Variants in KCTD16 observed in about 807,000 individuals in gnomAD.
KCTD16 encodes the protein potassium channel tetramerization domain containing 16.
In KCTD16, 13 loss-of-function variants were observed where a neutral mutation model predicts 33.2. The ratio of observed to expected loss-of-function variants is 0.39; its 90% CI spans 0.25 to 0.62. KCTD16 has a LOEUF of 0.62. Ranked by LOEUF, KCTD16 falls within the 20% of genes least tolerant of loss-of-function variation. KCTD16 has a pLI of 0.50. For missense variants in KCTD16, 441 were observed against 525.1 expected, an observed-to-expected ratio of 0.84 and a Z score of 1.57; for synonymous variants, 197 against 195.3, an observed-to-expected ratio of 1.01 and a Z score of -0.07.
intron 3 of KCTD16, among the ~76,000 whole-genome samples, chr5:144,229,092 A>AT (rs1470398592): frequency 6.6e-6 from 1 of 152,112 alleles, no homozygotes; most frequent in Non-Finnish European, 1.5e-5. Flanking sequence ...ATGGTTGTTT[A>AT]TTTTTCTCCA....
At chr5:144,222,652 G>T (rs1277306119) in intron 3 of KCTD16, among the ~76,000 whole-genome samples, 1 of 152,224 alleles carries the variant, frequency 6.6e-6, no homozygotes, top group African/African-American at 2.4e-5. Flanking sequence ...ACAGGTGCTG[G>T]AGAGGATGTG....
At chr5:144,417,403 C>T (rs1449082543) in intron 3 of KCTD16, among the ~76,000 whole-genome samples, 1 of 151,804 alleles carries the variant, frequency 6.6e-6, no homozygotes, top group African/African-American at 2.4e-5. Flanking sequence ...TGTTTGTTGC[C>T]CATTTGCATA....
At chr5:144,340,778 G>A (rs554894903) in intron 3 of KCTD16, among the ~76,000 whole-genome samples, 2 of 152,204 alleles carry the variant, frequency 1.3e-5, no homozygotes, top group South Asian at 2.1e-4. Flanking sequence ...CACCAGGTGC[G>A]GTGGCTCATG....
intron 3 of KCTD16, among the ~76,000 whole-genome samples, chr5:144,438,082 C>T (rs1252306919): frequency 6.6e-6 from 1 of 151,968 alleles, no homozygotes; most frequent in East Asian, 1.9e-4. Flanking sequence ...ATATTAAATA[C>T]AATATATTAG....
intron 3 of KCTD16, among the ~76,000 whole-genome samples, chr5:144,399,393 G>A (rs937701324): frequency 6.6e-6 from 1 of 151,844 alleles, no homozygotes; most frequent in Non-Finnish European, 1.5e-5. Flanking sequence ...TAAAAAAATA[G>A]ACAGTGATTA....
intron 3 of KCTD16, among the ~76,000 whole-genome samples, chr5:144,417,875 G>A (rs1443490045): frequency 6.6e-6 from 1 of 152,096 alleles, no homozygotes; most frequent in African/African-American, 2.4e-5. Context: ...TCCTTCCTGT[G>A]GATTCCTGGT....
chr5:144,267,039 G>A (rs1355942846), intron 3 of KCTD16, among the ~76,000 whole-genome samples: 1 of 152,112 alleles, frequency 6.6e-6, no homozygotes, highest in Non-Finnish European at 1.5e-5. Context: ...CTTGCATGCA[G>A]TAATTATAAA....
intron 3 of KCTD16, among the ~76,000 whole-genome samples, chr5:144,330,057 G>A (rs1273464522): frequency 6.6e-6 from 1 of 152,112 alleles, no homozygotes. Context: ...GTCACAATTT[G>A]TAAGATATTC....
rs1263351504 is a variant in KCTD16, at chr5:144,207,679, G to T, written c.832+133G>T. On this transcript the variant is annotated intron_variant, in intron 3 of 3. Coordinates refer to ENST00000512467, the MANE Select transcript of KCTD16 (RefSeq NM_020768.4). ...TTTAACTCTTGAGTTGTAGTTAGAGGATTAGAGGTTATAATTCAGCTCTCA... is the reference window on the plus strand; with the variant it reads ...TTTAACTCTTGAGTTGTAGTTAGAGTATTAGAGGTTATAATTCAGCTCTCA... 6 of 716,458 alleles carry T rather than the reference G, an allele frequency of 8.4e-6. No homozygotes were observed. The South Asian group carries it at 1.2e-4, about 14-fold the overall frequency. 44.4% of individuals were successfully genotyped at this position (716,458 alleles called of 1,614,324 possible).
At chr5:144,294,643 T>C (rs1755987765) in intron 3 of KCTD16, among the ~76,000 whole-genome samples, 1 of 152,214 alleles carries the variant, frequency 6.6e-6, no homozygotes, top group African/African-American at 2.4e-5. Context: ...ATCACAATGT[T>C]CTTTTTGGAT....
chr5:144,466,219 A>T (rs1432918547), intron 3 of KCTD16, among the ~76,000 whole-genome samples: 2 of 147,028 alleles, frequency 1.4e-5, no homozygotes, highest in Non-Finnish European at 3.0e-5. Context: ...CAAATATTAT[A>T]TCTTAGTTCA....
At chr5:144,442,481 C>T (rs887571164) in intron 3 of KCTD16, among the ~76,000 whole-genome samples, 4 of 149,582 alleles carry the variant, frequency 2.7e-5, no homozygotes, top group Non-Finnish European at 4.5e-5. Context: ...TTCTTTCTGT[C>T]GTTCTTTCTG....
chr5:144,286,805 C>T (rs1275850667), intron 3 of KCTD16, among the ~76,000 whole-genome samples: 1 of 152,114 alleles, frequency 6.6e-6, no homozygotes, highest in Non-Finnish European at 1.5e-5. Flanking sequence ...AGTTACTTAG[C>T]ATGGTTGGTG....
intron 3 of KCTD16, among the ~76,000 whole-genome samples, chr5:144,286,829 A>G (rs1755758987): frequency 1.3e-5 from 2 of 152,192 alleles, no homozygotes; most frequent in Admixed American, 6.5e-5. Context: ...AAAAAAATCT[A>G]TCTTCTATGA....
intron 3 of KCTD16, among the ~76,000 whole-genome samples, chr5:144,224,857 A>G (rs1753879866): frequency 1.3e-5 from 2 of 152,162 alleles, no homozygotes; most frequent in South Asian, 2.1e-4. Flanking sequence ...AAACCCCACA[A>G]TGGTAAACTG....
intron 2 of KCTD16, among the ~76,000 whole-genome samples, chr5:144,175,934 A>T (rs1343926697): frequency 6.6e-6 from 1 of 152,192 alleles, no homozygotes; most frequent in Non-Finnish European, 1.5e-5. Context: ...TACTTCTAAG[A>T]TCAATTATAA....
At chr5:144,247,272 C>T (rs1389362530) in intron 3 of KCTD16, among the ~76,000 whole-genome samples, 2 of 152,192 alleles carry the variant, frequency 1.3e-5, no homozygotes, top group South Asian at 2.1e-4. Context: ...ATTGAAGCTT[C>T]TGCTTTGTTT....
intron 3 of KCTD16, among the ~76,000 whole-genome samples, chr5:144,273,441 A>G (rs1207661602): frequency 6.6e-6 from 1 of 152,188 alleles, no homozygotes; most frequent in Non-Finnish European, 1.5e-5. Context: ...AAATAGAATT[A>G]CCATATGGTT....
Position 144,481,554 on chromosome 5 carries a change from C to T in KCTD16, c.*7440C>T, listed in dbSNP as rs1754703805. On this transcript the variant is annotated 3_prime_UTR_variant, in exon 4 of 4. Coordinates refer to ENST00000512467, the MANE Select transcript of KCTD16 (RefSeq NM_020768.4). Reference sequence around the variant, plus strand: ...GTGTCTGAAATGATTTGACATTTTTCTTTTAATGTATCATACCAATATCCC... The same window carrying T: ...GTGTCTGAAATGATTTGACATTTTTTTTTTAATGTATCATACCAATATCCC... 6.6e-6 allele frequency: 1 copy of T among 151,830 alleles called. No homozygotes were observed. The highest frequency in any genetic ancestry group is 1.5e-5 in the Non-Finnish European group (1 of 67,892). The allele number at this position is 151,830 out of a possible 1,614,324, so 9.4% of individuals were successfully genotyped here. A position where few individuals can be genotyped will look rare whatever the true frequency, so the allele number is the denominator to read the frequency against.
Sources: gnomAD v4.1 joint callset for allele counts (sites outside exome capture counted in the v4.1 genomes callset) on GRCh38, gnomAD v4.1.1 for gene constraint, MANE v1.5 for transcripts, NCBI Gene and HGNC (gene_info 2026-07-23, HGNC 2026-07-21) for gene names.